LPA: variants seen among roughly 807,000 people sequenced by gnomAD.
LPA encodes apolipoprotein(a).
In LPA, 199 loss-of-function variants were observed where a neutral mutation model predicts 197.9. The ratio of observed to expected loss-of-function variants is 1.01; its 90% confidence interval spans 0.90 to 1.13. LPA has a LOEUF of 1.13. LPA is among the 50% of genes most tolerant of loss of function. LPA has a pLI of 0.00. For missense variants in LPA, 1,853 were observed against 1,785.8 expected, an observed-to-expected ratio of 1.04 and a Z score of -0.68; for synonymous variants, 715 against 639.5, an observed-to-expected ratio of 1.12 and a Z score of -1.78.
rs1399121413 is a variant in LPA at position 160,548,492 on chromosome 6, G to A, written c.5141C>T (p.Pro1714Leu). ...PTVIQVPSLG[P>L]PSEQDCMFGN... ...AGACTTCTTACCTTGTTCAGAAGGA[G>A]GCCCTAGGCTTGGAACCTGGATGAC... Residue 1714 changes from proline (P) to leucine (L), a missense_variant, in exon 31 of 39, where the codon CCT (proline) becomes CTT (leucine). Physicochemically the swap from Pro to Leu is moderately conservative, Grantham distance 98. Around this residue, in one of 3 missense-constraint regions of LPA, gnomAD observed 1,737 missense variants for 1,504.4 expected, o/e 1.15. Coordinates refer to ENST00000316300, the MANE Select transcript of LPA (RefSeq NM_005577.4). 3.1e-6 allele frequency: 5 copies of A among 1,613,878 alleles called. No individual in the cohort carries two copies. The highest frequency in any genetic ancestry group is 2.2e-5 in the East Asian group (1 of 44,898).
rs190138293 is a variant in LPA, at chr6:160,609,155, T to C, written c.2603+2407A>G. On this transcript the variant is annotated intron_variant, in intron 16 of 38. Coordinates refer to ENST00000316300, the MANE Select transcript of LPA (RefSeq NM_005577.4). ...TTTCATGCAATTCTTCTATTCTTCTTATACCTAATTCTTTCGGGTCACCTC... is the reference window on the plus strand; with the variant it reads ...TTTCATGCAATTCTTCTATTCTTCTCATACCTAATTCTTTCGGGTCACCTC... 6.9e-3 allele frequency among the ~76,000 whole-genome samples: 1,043 copies of C among 152,246 alleles called. 15 individuals are homozygous for C. The highest frequency in any genetic ancestry group is 0.024 in the African/African-American group (1,004 of 41,504).
chr6:160,649,986 C>T (rs183301039), intron 2 of LPA, among the ~76,000 whole-genome samples: 1 of 152,254 alleles, frequency 6.6e-6, no homozygotes, highest in Non-Finnish European at 1.5e-5. Context: ...CCAACACAAC[C>T]TTCACTTCAG....
At chr6:160,552,551 A>G (rs758907742) in intron 30 of LPA, among the ~76,000 whole-genome samples, 8 of 152,244 alleles carry the variant, frequency 5.3e-5, no homozygotes, top group Admixed American at 6.5e-5. Context: ...TAGCATGTAT[A>G]CAGAAAAAGT....
intron 35 of LPA, among the ~76,000 whole-genome samples, chr6:160,540,708 G>A (rs956943219): frequency 6.6e-6 from 1 of 152,166 alleles, no homozygotes; most frequent in African/African-American, 2.4e-5. Flanking sequence ...ACAGCATCCT[G>A]CTTCCTGTAA....
intron 1 of LPA, among the ~76,000 whole-genome samples, chr6:160,652,117 G>A (rs1322417755): frequency 1.4e-5 from 2 of 143,116 alleles, no homozygotes; most frequent in African/African-American, 5.2e-5. Flanking sequence ...CAGAGAGAGA[G>A]AAGTGAAAAA....
chr6:160,588,226 T>A (rs562109961), intron 24 of LPA, among the ~76,000 whole-genome samples: 1 of 152,174 alleles, frequency 6.6e-6, no homozygotes, highest in Non-Finnish European at 1.5e-5. Flanking sequence ...GAGCAACTTG[T>A]ATTTGTCCCT....
At chr6:160,609,612 C>CGTG in intron 16 of LPA, among the ~76,000 whole-genome samples, 1 of 152,024 alleles carries the variant, frequency 6.6e-6, no homozygotes, top group Non-Finnish European at 1.5e-5. Flanking sequence ...AGTTATCAGC[C>CGTG]ATCCGTGATT....
Position 160,605,065 on chromosome 6 carries a change from G to A in LPA, c.2926C>T (p.Pro976Ser). ...ACATACGCATTTGGGTAGTATGCTG[G>A]GGTCCGACTATGCGAGTGTGGTGTC... ...SMTPHSHSRT[P>S]AYYPNAGLIK... is the part of the protein sequence containing the mutation. Residue 976 changes from proline (P) to serine (S), a missense_variant, in exon 18 of 39, where the codon CCA becomes TCA. Around this residue, in one of 3 missense-constraint regions of LPA, gnomAD observed 1,737 missense variants for 1,504.4 expected, o/e 1.15. Coordinates refer to ENST00000316300, the MANE Select transcript of LPA (RefSeq NM_005577.4). The A allele has an allele frequency of 1.2e-6, 2 of 1,613,782 alleles. No homozygotes were observed. Among genetic ancestry groups the A allele is most frequent in the Non-Finnish European group, 1.7e-6 (2 of 1,179,792 alleles).
intron 28 of LPA, 74 bp downstream of exon 28, chr6:160,577,062 G>C: frequency 6.4e-7 from 1 of 1,569,904 alleles, no homozygotes; most frequent in Non-Finnish European, 8.8e-7. Context: ...TAGGAAGTGA[G>C]CTTAAAGCAT....
At chr6:160,608,543 T>C (rs1165366977) in intron 16 of LPA, among the ~76,000 whole-genome samples, 5 of 152,190 alleles carry the variant, frequency 3.3e-5, no homozygotes, top group Non-Finnish European at 7.3e-5. Context: ...TTTGTCTTCT[T>C]ACCGTGAAAA....
In LPA at chr6:160,540,196, A is replaced by T. The variant is rs998050693; in HGVS notation, c.5595-13T>A. ...AGGCCTTGAGGACCTAGAAAAGATG[A>T]GGATGTCAAGAGAAAAATATGGTCC... is the stretch of plus-strand genomic sequence containing the variant. On this transcript the variant is annotated splice_polypyrimidine_tract_variant and intron_variant, in intron 35 of 38. Coordinates refer to ENST00000316300, the MANE Select transcript of LPA (RefSeq NM_005577.4). 1 of 1,614,016 alleles carries T rather than the reference A, an allele frequency of 6.2e-7. No individual in the cohort carries two copies. Among genetic ancestry groups the T allele is most frequent in the African/African-American group, 1.3e-5 (1 of 74,912 alleles).
intron 27 of LPA, among the ~76,000 whole-genome samples, chr6:160,578,094 T>C (rs1778718535): frequency 6.6e-6 from 1 of 152,146 alleles, no homozygotes; most frequent in Non-Finnish European, 1.5e-5. Flanking sequence ...TAGGTTTCTC[T>C]AGGATATCAT....
At chr6:160,659,774 A>T (rs1014858666) in intron 1 of LPA, among the ~76,000 whole-genome samples, 1 of 152,198 alleles carries the variant, frequency 6.6e-6, no homozygotes, top group African/African-American at 2.4e-5. Context: ...GGACCAGTGC[A>T]GAAAACAGTG....
intron 22 of LPA, among the ~76,000 whole-genome samples, chr6:160,591,614 T>C (rs954717287): frequency 1.3e-5 from 2 of 152,232 alleles, no homozygotes; most frequent in African/African-American, 4.8e-5. Context: ...TCTTGATATC[T>C]TCTTGTCAGC....
At chr6:160,652,436 T>C (rs563197791) in intron 1 of LPA, among the ~76,000 whole-genome samples, 1 of 152,256 alleles carries the variant, frequency 6.6e-6, no homozygotes, top group East Asian at 1.9e-4. Flanking sequence ...CCAGTATCTA[T>C]ACTCAGCAAA....
chr6:160,537,713 G>A, intron 37 of LPA, 142 bp downstream of exon 37: 1 of 751,666 alleles, frequency 1.3e-6, no homozygotes, highest in South Asian at 1.5e-5. Flanking sequence ...TGGAGACATA[G>A]ACAGGTGTCC....
In LPA at chr6:160,596,823, A is replaced by C. The variant is rs751463497; in HGVS notation, c.3288-1288T>G. 7.2e-5 allele frequency among the ~76,000 whole-genome samples: 11 copies of C among 152,288 alleles called. 2 individuals are homozygous for C. In the Middle Eastern group the frequency reaches 0.02, roughly 283 times the overall value. On this transcript the variant is annotated intron_variant, in intron 20 of 38. Coordinates refer to ENST00000316300, the MANE Select transcript of LPA (RefSeq NM_005577.4). ...TTCTGTTTTTCCCTAAGAGCATCTAAAATTATGTAAAAGCCTAAAGACATT... is the reference window on the plus strand; with the variant it reads ...TTCTGTTTTTCCCTAAGAGCATCTACAATTATGTAAAAGCCTAAAGACATT...
intron 1 of LPA, among the ~76,000 whole-genome samples, chr6:160,659,755 T>C (rs569109349): frequency 2.6e-5 from 4 of 152,188 alleles, no homozygotes; most frequent in African/African-American, 7.2e-5. Context: ...TGAGGAATAG[T>C]AGGGGCAGGG....
chr6:160,603,797 G>A (rs1196020294), intron 18 of LPA, among the ~76,000 whole-genome samples: 3 of 152,206 alleles, frequency 2.0e-5, no homozygotes, highest in South Asian at 2.1e-4. Context: ...AATGCTTGGA[G>A]ACTTGCTTTT....
Sources: gnomAD v4.1 joint callset for allele counts (sites outside exome capture counted in the v4.1 genomes callset) on GRCh38, gnomAD v4.1.1 for gene constraint, gnomAD v4.1.1 regional missense constraint, MANE v1.5 for transcripts, NCBI Gene and HGNC (gene_info 2026-07-23, HGNC 2026-07-21) for gene names.